The following CNTLN variants were observed in gnomAD, a reference collection of about 807,000 sequenced individuals.
CNTLN encodes centlein.
A neutral mutation model predicts 180.0 loss-of-function variants in CNTLN; 212 were observed. The observed-to-expected ratio is 1.18, with a 90% CI of 1.05 to 1.32. CNTLN has a LOEUF of 1.32. CNTLN is among the 40% of genes most tolerant of loss of function. The pLI is 0.00. For synonymous variants in CNTLN, 722 were observed against 563.1 expected (o/e 1.28, Z -3.99); for missense variants, 2,095 against 1,610.9 (o/e 1.30, Z -5.14).
At chr9:17,387,146 TG>T (rs1410711469) in intron 13 of CNTLN, among the ~76,000 whole-genome samples, 1 of 152,182 alleles carries the variant, frequency 6.6e-6, no homozygotes, top group Non-Finnish European at 1.5e-5. Flanking sequence ...CTAACAAACT[TG>T]TTAGTCACTG....
chr9:17,376,072 C>A (rs920255148), intron 13 of CNTLN, among the ~76,000 whole-genome samples: 9 of 152,160 alleles, frequency 5.9e-5, no homozygotes, highest in African/African-American at 2.2e-4. Context: ...TTACTGGTGA[C>A]TTGTTAAGGC....
At chr9:17,392,346 A>G (rs1826178268) in intron 14 of CNTLN, among the ~76,000 whole-genome samples, 1 of 152,204 alleles carries the variant, frequency 6.6e-6, no homozygotes, top group Non-Finnish European at 1.5e-5. Context: ...TTGGAATTTA[A>G]TATGCAAAAG....
intron 18 of CNTLN, 106 bp from the exon 19 acceptor site, chr9:17,457,418 C>T: frequency 1.6e-6 from 1 of 608,540 alleles, no homozygotes; most frequent in East Asian, 4.0e-5. Flanking sequence ...AATTTCAGTT[C>T]TCTTTAATAT....
intron 10 of CNTLN, among the ~76,000 whole-genome samples, chr9:17,340,127 A>C (rs1055911869): frequency 1.4e-4 from 21 of 152,208 alleles, no homozygotes; most frequent in African/African-American, 5.1e-4. Context: ...CCTGGGCCAC[A>C]GAGGGAAGCC....
intron 15 of CNTLN, among the ~76,000 whole-genome samples, chr9:17,395,933 G>T (rs921199505): frequency 2.6e-4 from 40 of 152,086 alleles, no homozygotes; most frequent in African/African-American, 9.4e-4. Flanking sequence ...TGAGATAGGA[G>T]GTCAGTACAA....
chr9:17,139,244 C>T (rs532614809), intron 1 of CNTLN, among the ~76,000 whole-genome samples: 1 of 152,002 alleles, frequency 6.6e-6, no homozygotes, highest in African/African-American at 2.4e-5. Context: ...CATGCCACCA[C>T]GCCTGGCTGA....
intron 2 of CNTLN, chr9:17,167,339 T>C (rs1820137691): frequency 6.6e-6 from 1 of 152,426 alleles, no homozygotes; most frequent in African/African-American, 2.4e-5. Flanking sequence ...TCCTGTTCTT[T>C]CTCATCTCTC....
chr9:17,274,579 T>G (rs1828189412), intron 6 of CNTLN, among the ~76,000 whole-genome samples: 1 of 152,024 alleles, frequency 6.6e-6, no homozygotes, highest in East Asian at 1.9e-4. Flanking sequence ...TTTGCATGCA[T>G]GTGTTTATTT....
Position 17,288,833 on chromosome 9 carries a change from C to CTGCCTTT in CNTLN, c.984-9355_984-9349dup. 1.5e-5 allele frequency among the ~76,000 whole-genome samples: 2 copies of CTGCCTTT among 129,268 alleles called. 1 individual carries two copies. Among genetic ancestry groups the CTGCCTTT allele is most frequent in the African/African-American group, 6.7e-5 (2 of 29,842 alleles). The allele number at this position is 129,268 out of a possible 152,430, so 84.8% of individuals were successfully genotyped here. On this transcript the variant is annotated intron_variant, in intron 6 of 25. Transcript: ENST00000380647. Reference sequence around the variant, plus strand: ...TATCAAGAGACTAGGATTGCAACCCCTGCCTTTTTTTGTTTTCCATTTGCT... The same window carrying CTGCCTTT: ...TATCAAGAGACTAGGATTGCAACCCCTGCCTTTTGCCTTTTTTTGTTTTCCATTTGCT...
intron 13 of CNTLN, among the ~76,000 whole-genome samples, chr9:17,374,417 C>T (rs1339396677): frequency 1.3e-5 from 2 of 152,128 alleles, no homozygotes; most frequent in African/African-American, 4.8e-5. Flanking sequence ...AATGAAATAT[C>T]ATCTCATCCC....
intron 6 of CNTLN, among the ~76,000 whole-genome samples, chr9:17,297,634 T>C (rs1303568606): frequency 2.0e-5 from 3 of 152,206 alleles, no homozygotes; most frequent in Non-Finnish European, 4.4e-5. Flanking sequence ...ACTTTCTGAC[T>C]CTTTTACCTC....
At chr9:17,154,070 G>T (rs1222806536) in intron 2 of CNTLN, among the ~76,000 whole-genome samples, 2 of 152,004 alleles carry the variant, frequency 1.3e-5, no homozygotes, top group Non-Finnish European at 2.9e-5. Flanking sequence ...CTTTTTCAAG[G>T]TTCTTAGCTT....
intron 7 of CNTLN, chr9:17,302,061 A>G (rs1818396440): frequency 1.0e-6 from 1 of 983,972 alleles, no homozygotes; most frequent in Non-Finnish European, 1.2e-6. Context: ...ATTACTATTC[A>G]TTATAGTGTA....
intron 1 of CNTLN, among the ~76,000 whole-genome samples, chr9:17,140,320 A>G (rs564951823): frequency 1.3e-5 from 2 of 152,302 alleles, no homozygotes; most frequent in African/African-American, 2.4e-5. Context: ...ATATCACCAG[A>G]CTTACTGTAC....
intron 13 of CNTLN, among the ~76,000 whole-genome samples, chr9:17,387,144 C>T (rs1267375565): frequency 6.6e-6 from 1 of 152,132 alleles, no homozygotes; most frequent in South Asian, 2.1e-4. Context: ...CTCTAACAAA[C>T]TTGTTAGTCA....
chr9:17,401,395 G>C (rs867737578), intron 15 of CNTLN, among the ~76,000 whole-genome samples: 1 of 150,824 alleles, frequency 6.6e-6, no homozygotes, highest in South Asian at 2.1e-4. Flanking sequence ...TTTTAATGAC[G>C]TGGAGTCAAG....
At chr9:17,418,161 G>C (rs2133900789) in intron 18 of CNTLN, among the ~76,000 whole-genome samples, 1 of 151,906 alleles carries the variant, frequency 6.6e-6, no homozygotes, top group Non-Finnish European at 1.5e-5. Context: ...AAAGGTCCAA[G>C]AACATCTAAT....
At chr9:17,165,148 T>A (rs1309234752) in intron 2 of CNTLN, among the ~76,000 whole-genome samples, 4 of 152,164 alleles carry the variant, frequency 2.6e-5, no homozygotes, top group Non-Finnish European at 5.9e-5. Context: ...TCTTAGAACA[T>A]TTTCCTAAGT....
In CNTLN at chr9:17,342,401, C is replaced by T; in HGVS notation, c.1843C>T (p.Leu615=). Residue 615 remains leucine, a synonymous_variant, in exon 12 of 26, where the codon CTG becomes TTG. Coordinates refer to ENST00000380647, the MANE Select transcript of CNTLN (RefSeq NM_017738.4). ...AGATTCTGACGCTGTGTGGAATGAA[C>T]TGGCATATTTCAAAAGGGAAAACCA... ...QEDSDAVWNE[L]AYFKRENQEL... is the part of the protein sequence containing the mutation. The T allele has an allele frequency of 6.2e-7, 1 of 1,610,910 alleles. No individual in the cohort carries two copies. The highest frequency in any genetic ancestry group is 8.5e-7 in the Non-Finnish European group (1 of 1,178,782).
Sources: allele counts gnomAD v4.1 joint callset (sites outside exome capture counted in the v4.1 genomes callset), GRCh38; gene constraint gnomAD v4.1.1; transcripts MANE v1.5; gene names NCBI Gene and HGNC (gene_info 2026-07-23, HGNC 2026-07-21).